PDE10A: variants seen among roughly 807,000 people sequenced by gnomAD.
The protein encoded by PDE10A is cAMP and cAMP-inhibited cGMP 3',5'-cyclic phosphodiesterase 10A.
PDE10A carries 39 observed loss-of-function variants against 97.7 expected under a neutral mutation model. That is an observed-to-expected ratio of 0.40 (90% CI 0.31 to 0.52). The LOEUF is 0.52. Ranked by LOEUF, PDE10A falls within the 20% of genes least tolerant of loss-of-function variation. The pLI is 0.56. For synonymous variants in PDE10A, 371 were observed against 376.8 expected, an observed-to-expected ratio of 0.98 and a Z score of 0.18; for missense variants, 731 against 1,047.8, an observed-to-expected ratio of 0.70 and a Z score of 4.17.
chr6:165,604,841 G>A (rs1787132788), intron 1 of PDE10A, among the ~76,000 whole-genome samples: 1 of 152,124 alleles, frequency 6.6e-6, no homozygotes, highest in Non-Finnish European at 1.5e-5. Flanking sequence ...GGTCATATGT[G>A]GGTAGTGGAA....
chr6:165,425,564 C>A (rs1789063247), intron 10 of PDE10A, among the ~76,000 whole-genome samples: 1 of 152,004 alleles, frequency 6.6e-6, no homozygotes, highest in Admixed American at 6.6e-5. Context: ...CTATGAAAAA[C>A]CCACAAAAAA....
chr6:165,825,522 C>A (rs1779714706), intron 1 of PDE10A, among the ~76,000 whole-genome samples: 1 of 152,168 alleles, frequency 6.6e-6, no homozygotes, highest in Non-Finnish European at 1.5e-5. Flanking sequence ...TGAGTGTCCT[C>A]CAGCTTGTCC....
At chr6:165,352,482 T>C (rs749187682) in intron 18 of PDE10A, among the ~76,000 whole-genome samples, 32 of 152,300 alleles carry the variant, frequency 2.1e-4, no homozygotes, top group Non-Finnish European at 4.1e-4. Flanking sequence ...AATATTACCA[T>C]ATATTAGCTA....
intron 1 of PDE10A, among the ~76,000 whole-genome samples, chr6:165,779,106 G>C (rs561285846): frequency 2.0e-4 from 31 of 152,270 alleles, no homozygotes; most frequent in Non-Finnish European, 4.0e-4. Flanking sequence ...GAATCATAAA[G>C]GTATTCACTT....
At chr6:165,522,065 C>T (rs1583459827) in intron 2 of PDE10A, among the ~76,000 whole-genome samples, 1 of 152,206 alleles carries the variant, frequency 6.6e-6, no homozygotes, top group East Asian at 1.9e-4. Context: ...TTTGTTTATC[C>T]ATTCTTCTGT....
Position 165,336,513 on chromosome 6 carries a change from G to A in PDE10A, c.2977-302C>T, listed in dbSNP as rs180724195. Among the ~76,000 whole-genome samples, 792 of 152,264 alleles carry A rather than the reference G, an allele frequency of 5.2e-3. 4 individuals carry two copies. Among genetic ancestry groups the A allele is most frequent in the African/African-American group, 0.018 (755 of 41,566 alleles). On this transcript the variant is annotated intron_variant, in intron 20 of 21. Transcript: ENST00000539869. ...GCCTGTAATCCCAGCACTTTGGGAG[G>A]CCGAGGCGGGTGGATCACGAGGTCA... is the stretch of plus-strand genomic sequence containing the variant.
intron 1 of PDE10A, among the ~76,000 whole-genome samples, chr6:165,834,810 C>G (rs1432235643): frequency 1.3e-5 from 2 of 152,230 alleles, no homozygotes; most frequent in Non-Finnish European, 2.9e-5. Flanking sequence ...ATTGTGCCAG[C>G]TGGCAGGGAA....
intron 2 of PDE10A, among the ~76,000 whole-genome samples, chr6:165,539,740 T>G (rs957422085): frequency 6.6e-6 from 1 of 151,152 alleles, no homozygotes; most frequent in Non-Finnish European, 1.5e-5. Context: ...GGCCGACACG[T>G]TGAAACTCTG....
At chr6:165,608,848 TTC>T (rs1787354618) in intron 1 of PDE10A, among the ~76,000 whole-genome samples, 1 of 152,250 alleles carries the variant, frequency 6.6e-6, no homozygotes, top group South Asian at 2.1e-4. Context: ...TGATTTGCAT[TTC>T]TCTGATAGCC....
At chr6:165,386,306 A>T (rs1785299543) in intron 17 of PDE10A, among the ~76,000 whole-genome samples, 1 of 152,170 alleles carries the variant, frequency 6.6e-6, no homozygotes, top group Admixed American at 6.5e-5. Flanking sequence ...TTTATTTATT[A>T]TTCTGCTCAG....
At chr6:165,894,073 C>T (rs1334327687) in intron 1 of PDE10A, among the ~76,000 whole-genome samples, 1 of 152,178 alleles carries the variant, frequency 6.6e-6, no homozygotes, top group Admixed American at 6.5e-5. Flanking sequence ...ACCAACTGTG[C>T]ATTTGCAGCA....
chr6:165,618,793 T>C (rs541599979), intron 1 of PDE10A, among the ~76,000 whole-genome samples: 4 of 152,290 alleles, frequency 2.6e-5, no homozygotes, highest in Admixed American at 6.5e-5. Flanking sequence ...CAACTAAAAC[T>C]GTGAACTTAC....
intron 1 of PDE10A, among the ~76,000 whole-genome samples, chr6:165,874,780 A>T (rs556722959): frequency 6.6e-6 from 1 of 152,318 alleles, no homozygotes; most frequent in Non-Finnish European, 1.5e-5. Flanking sequence ...CATATCCAGT[A>T]TGGCGTAGTG....
chr6:165,653,780 C>T (rs1259221449), intron 1 of PDE10A, among the ~76,000 whole-genome samples: 1 of 152,200 alleles, frequency 6.6e-6, no homozygotes, highest in Admixed American at 6.5e-5. Context: ...TCTCCCCACA[C>T]CGTGCCCTCT....
intron 2 of PDE10A, among the ~76,000 whole-genome samples, chr6:165,514,137 T>C (rs562037348): frequency 1.1e-3 from 164 of 152,356 alleles, no homozygotes; most frequent in Non-Finnish European, 1.4e-3. Context: ...CTGATATAAA[T>C]CCCACTTGTC....
At chr6:165,752,038 G>C (rs571773585) in intron 1 of PDE10A, among the ~76,000 whole-genome samples, 1 of 149,172 alleles carries the variant, frequency 6.7e-6, no homozygotes, top group African/African-American at 2.5e-5. Flanking sequence ...AGCTACTCAG[G>C]AGGCTGAGGC....
chr6:165,920,568 A>T (rs1243166147), intron 1 of PDE10A, among the ~76,000 whole-genome samples: 2 of 151,834 alleles, frequency 1.3e-5, no homozygotes, highest in Non-Finnish European at 2.9e-5. Flanking sequence ...ACACACACAC[A>T]CTTACACATA....
intron 1 of PDE10A, among the ~76,000 whole-genome samples, chr6:165,682,982 T>C (rs73788718): frequency 0.012 from 1,894 of 152,298 alleles, 33 homozygotes; most frequent in African/African-American, 0.043. Context: ...TGTCTGTTCA[T>C]TGTGTCGTTC....
intron 1 of PDE10A, among the ~76,000 whole-genome samples, chr6:165,920,478 G>A (rs1364580876): frequency 6.6e-6 from 1 of 151,744 alleles, no homozygotes. Context: ...TGAGACCATT[G>A]GTCTTATACT....
Sources: allele counts gnomAD v4.1 joint callset (sites outside exome capture counted in the v4.1 genomes callset), GRCh38; gene constraint gnomAD v4.1.1; transcripts MANE v1.5; gene names NCBI Gene and HGNC (gene_info 2026-07-23, HGNC 2026-07-21).